Variants in EFR3B observed in about 807,000 individuals in gnomAD.
EFR3B encodes EFR3 homolog B.
Under a neutral mutation model 104.7 loss-of-function variants are expected in EFR3B, and 64 were observed. The ratio of observed to expected loss-of-function variants is 0.61; its 90% CI spans 0.50 to 0.75. The LOEUF (loss-of-function observed/expected upper bound fraction) is 0.75. Ranked by LOEUF, EFR3B falls within the 30% of genes least tolerant of loss-of-function variation. The pLI is 0.00. For synonymous variants in EFR3B, 385 were observed against 417.9 expected (o/e 0.92, Z 0.96); for missense variants, 750 against 1,078.5 (o/e 0.70, Z 4.27).
chr2:25,099,985 C>T (rs760577261), intron 3 of EFR3B, among the ~76,000 whole-genome samples: 1 of 151,966 alleles, frequency 6.6e-6, no homozygotes, highest in African/African-American at 2.4e-5. Context: ...GGTGGGTCAC[C>T]TGAGGTCAGG....
chr2:25,057,730 C>T (rs143521225), intron 1 of EFR3B, among the ~76,000 whole-genome samples: 13 of 148,590 alleles, frequency 8.7e-5, no homozygotes, highest in East Asian at 5.9e-4. Context: ...TGTAGTGAGC[C>T]GAGATTGCAC....
At position 25,156,287 on chromosome 2, in the gene EFR3B, CTTGTT is replaced by C. The variant is rs995678298; in HGVS notation, c.*1950_*1954del. 2.1e-5 allele frequency: 2 copies of C among 97,244 alleles called. No homozygotes were observed. Among genetic ancestry groups the C allele is most frequent in the African/African-American group, 9.2e-5 (2 of 21,804 alleles). The allele number at this position is 97,244 out of a possible 1,614,324, so 6.0% of individuals were successfully genotyped here. A position where few individuals can be genotyped will look rare whatever the true frequency, so the allele number is the denominator to read the frequency against. ...TGCTGTGGGCACACAGCTTCTTTTT[CTTGTT>C]TTTTTTTTTTTTTTTTTTTTTTTGA... On this transcript the variant is annotated 3_prime_UTR_variant, in exon 23 of 23. Coordinates refer to ENST00000403714, the MANE Select transcript of EFR3B (RefSeq NM_014971.2).
intron 3 of EFR3B, among the ~76,000 whole-genome samples, chr2:25,101,831 G>A (rs1040572456): frequency 1.4e-5 from 2 of 140,186 alleles, no homozygotes; most frequent in Admixed American, 8.2e-5. Context: ...ACTTAACTCC[G>A]AAACTGTAAA....
chr2:25,080,331 G>A, intron 1 of EFR3B: 1 of 484,690 alleles, frequency 2.1e-6, no homozygotes, highest in Non-Finnish European at 3.0e-6. Flanking sequence ...TTTTGCTCTT[G>A]TCGTCCAGGC....
chr2:25,150,736 G>GCGTGACT (rs1349587450), intron 20 of EFR3B, among the ~76,000 whole-genome samples: 1 of 150,136 alleles, frequency 6.7e-6, no homozygotes, highest in Non-Finnish European at 1.5e-5. Flanking sequence ...TCAGCCTCCC[G>GCGTGACT]CGTGACTGGG....
rs1005131240 is a variant in EFR3B at position 25,042,197 on chromosome 2, C to T, written c.-116C>T. ...CGTCTGCTCCCTCCCCGCCCGGGCC[C>T]CTGTCGGCCGCCGCCAGTCCCCGCC... On this transcript the variant is annotated 5_prime_UTR_variant, in exon 1 of 23. Coordinates refer to ENST00000403714, the MANE Select transcript of EFR3B (RefSeq NM_014971.2). The surrounding 1 kb of genome is among the most constrained non-coding windows in gnomAD (Gnocchi z 5.4). 1 of 1,088,274 alleles carries T rather than the reference C, an allele frequency of 9.2e-7. No homozygotes were observed. Among genetic ancestry groups the T allele is most frequent in the African/African-American group, 1.7e-5 (1 of 60,532 alleles). 67.4% of individuals were successfully genotyped at this position (1,088,274 alleles called of 1,614,324 possible).
intron 2 of EFR3B, 82 bp from the exon 3 acceptor site, chr2:25,092,921 G>A (rs984811232): frequency 7.4e-6 from 11 of 1,484,672 alleles, no homozygotes; most frequent in South Asian, 5.1e-5. Context: ...TGTTGATTCC[G>A]TCGAATTATT....
At chr2:25,120,789 G>GC (rs1392823333) in intron 4 of EFR3B, among the ~76,000 whole-genome samples, 1 of 152,236 alleles carries the variant, frequency 6.6e-6, no homozygotes, top group Non-Finnish European at 1.5e-5. Context: ...CAAATGTGCA[G>GC]CACCCTGGTG....
At chr2:25,120,512 C>T (rs555956732) in intron 4 of EFR3B, among the ~76,000 whole-genome samples, 1 of 151,294 alleles carries the variant, frequency 6.6e-6, no homozygotes, top group African/African-American at 2.5e-5. Context: ...GGCATGGTGG[C>T]ACGCATCTGT....
Position 25,149,697 on chromosome 2 carries a change from G to A in EFR3B, c.2146G>A (p.Val716Met), listed in dbSNP as rs1670948715. 27 of 1,551,448 alleles carry A rather than the reference G, an allele frequency of 1.7e-5. No homozygotes were observed. The highest frequency in any genetic ancestry group is 2.4e-5 in the Non-Finnish European group (27 of 1,146,880). The part of the protein sequence containing the change: ...SRNSPEKEER[V>M]PAEEITYETL... ...ATCTCTGTCCCTTCTCCTTCAGCGAGTGCCTGCCGAGGAGATCACCTATGA... is the reference window on the plus strand; with the variant it reads ...ATCTCTGTCCCTTCTCCTTCAGCGAATGCCTGCCGAGGAGATCACCTATGA... Residue 716 changes from valine (V) to methionine (M), a missense_variant, in exon 20 of 23, where the codon GTG becomes ATG. Coordinates refer to ENST00000403714, the MANE Select transcript of EFR3B (RefSeq NM_014971.2).
chr2:25,110,871 A>G (rs1382736372), intron 4 of EFR3B, among the ~76,000 whole-genome samples: 2 of 152,148 alleles, frequency 1.3e-5, no homozygotes, highest in Non-Finnish European at 1.5e-5. Context: ...AAGACTATTT[A>G]TTTGTTTTCT....
intron 5 of EFR3B, 77 bp downstream of exon 5, chr2:25,121,871 C>A: frequency 6.5e-7 from 1 of 1,534,940 alleles, no homozygotes; most frequent in Non-Finnish European, 8.8e-7. Flanking sequence ...AACTTCCAAC[C>A]TGCCATTGCG....
At chr2:25,112,379 AC>A (rs1033919972) in intron 4 of EFR3B, among the ~76,000 whole-genome samples, 5 of 152,232 alleles carry the variant, frequency 3.3e-5, no homozygotes, top group Non-Finnish European at 7.3e-5. Flanking sequence ...CAAGGACTAG[AC>A]TTTCCCAGGA....
chr2:25,050,236 T>A (rs1471487344), intron 1 of EFR3B, among the ~76,000 whole-genome samples: 3 of 152,110 alleles, frequency 2.0e-5, no homozygotes, highest in Admixed American at 2.0e-4. Context: ...AAGGACTGAT[T>A]TGCTCAAGTG....
At chr2:25,123,245 A>G (rs181514275) in intron 5 of EFR3B, among the ~76,000 whole-genome samples, 1 of 152,082 alleles carries the variant, frequency 6.6e-6, no homozygotes, top group Non-Finnish European at 1.5e-5. Context: ...CTGTATTCTC[A>G]GCTACTTAGG....
chr2:25,085,255 C>T (rs1007932504), intron 1 of EFR3B, among the ~76,000 whole-genome samples: 2 of 152,090 alleles, frequency 1.3e-5, no homozygotes, highest in African/African-American at 2.4e-5. Flanking sequence ...ACTTAAGTCT[C>T]AAAGGTCAGA....
intron 1 of EFR3B, among the ~76,000 whole-genome samples, chr2:25,091,062 C>A (rs67898819): frequency 0.074 from 11,236 of 152,228 alleles, 539 homozygotes; most frequent in Non-Finnish European, 0.12. Context: ...CCTGGCCTTG[C>A]ATATGGCACT....
chr2:25,125,742 A>C (rs183338501), intron 5 of EFR3B, among the ~76,000 whole-genome samples: 502 of 152,254 alleles, frequency 3.3e-3, no homozygotes, highest in African/African-American at 0.01. Context: ...AGGTCAGCAG[A>C]TCGAGACCAT....
Position 25,143,935 on chromosome 2 carries a change from G to A in EFR3B, c.2050+73G>A, listed in dbSNP as rs1670747749. ...GGCCAGGTAAGGGCCTGAGCATAAG[G>A]GACTTATAGCCCTTTGATTGCCTGT... On this transcript the variant is annotated intron_variant, in intron 18 of 22. Coordinates refer to ENST00000403714, the MANE Select transcript of EFR3B (RefSeq NM_014971.2). The A allele has an allele frequency of 2.0e-6, 3 of 1,503,846 alleles. No homozygotes were observed. The South Asian group carries it at 3.9e-5, about 20-fold the overall frequency. 93.2% of individuals were successfully genotyped at this position (1,503,846 alleles called of 1,614,324 possible). A position where few individuals can be genotyped will look rare whatever the true frequency, so the allele number is the denominator to read the frequency against.
Sources: allele counts gnomAD v4.1 joint callset (sites outside exome capture counted in the v4.1 genomes callset), GRCh38; gene constraint gnomAD v4.1.1; non-coding constraint Gnocchi (gnomAD v3.1); transcripts MANE v1.5; gene names NCBI Gene and HGNC (gene_info 2026-07-23, HGNC 2026-07-21).